Variants in RGS3 observed in about 807,000 individuals in gnomAD.
RGS3 encodes the protein regulator of G protein signaling 3, also known as regulator of G-protein signalling 3.
A neutral mutation model predicts 132.6 loss-of-function variants in RGS3; 80 were observed. That is an observed-to-expected ratio of 0.60 (90% CI 0.50 to 0.73). The LOEUF (loss-of-function observed/expected upper bound fraction) is 0.73. RGS3 is among the 30% of genes least tolerant of loss of function. The probability of loss-of-function intolerance (pLI) is 0.00; values close to 1 mark genes in which losing one functional copy is unlikely to be tolerated. For missense variants in RGS3, 1,382 were observed against 1,530.8 expected, an observed-to-expected ratio of 0.90 and a Z score of 1.62; for synonymous variants, 598 against 620.6, an observed-to-expected ratio of 0.96 and a Z score of 0.54.
chr9:113,578,308 G>T (rs998067239), intron 19 of RGS3, among the ~76,000 whole-genome samples: 8 of 152,216 alleles, frequency 5.3e-5, no homozygotes, highest in Non-Finnish European at 1.2e-4. Flanking sequence ...TCATGGTGCT[G>T]AGCTCTGGAT....
chr9:113,514,362 G>A, intron 14 of RGS3, 96 bp from the exon 13 acceptor site: 2 of 1,114,118 alleles, frequency 1.8e-6, no homozygotes, highest in Non-Finnish European at 2.6e-6. Context: ...GAAAGTGGTT[G>A]TTGACGGAAT....
chr9:113,544,233 C>A (rs1230232007), intron 19 of RGS3, among the ~76,000 whole-genome samples: 1 of 151,850 alleles, frequency 6.6e-6, no homozygotes, highest in African/African-American at 2.4e-5. Flanking sequence ...ACCATCTGTG[C>A]AACTTGAATA....
chr9:113,539,882 G>C (rs991892021), intron 19 of RGS3, among the ~76,000 whole-genome samples: 1 of 152,246 alleles, frequency 6.6e-6, no homozygotes, highest in African/African-American at 2.4e-5. Flanking sequence ...TTAAAGAACA[G>C]TTGGGAGGTC....
At chr9:113,538,845 G>A (rs2118629343) in intron 19 of RGS3, among the ~76,000 whole-genome samples, 1 of 152,298 alleles carries the variant, frequency 6.6e-6, no homozygotes, top group African/African-American at 2.4e-5. Context: ...TTACCTCCCG[G>A]GCCTAAGAAC....
At chr9:113,483,029 A>G (rs1214697178) in intron 4 of RGS3, 30 bp from the exon 3 acceptor site, 2 of 1,613,858 alleles carry the variant, frequency 1.2e-6, no homozygotes, top group South Asian at 1.1e-5. Flanking sequence ...GTTTCCATTC[A>G]TCCACCCCAA....
At position 113,575,330 on chromosome 9, in the gene RGS3, T is replaced by G. The variant is rs7033489; in HGVS notation, c.2038-8120T>G. On this transcript the variant is annotated intron_variant, in intron 19 of 24. Transcript: ENST00000350696. ...CCTGCGCGGGGGTGAGCTAACCTTC[T>G]GTGCCTCAGTATTGCTTTCTGTAGA... 8.9e-3 allele frequency among the ~76,000 whole-genome samples: 1,349 copies of G among 152,308 alleles called. 20 individuals carry two copies. Among genetic ancestry groups the G allele is most frequent in the African/African-American group, 0.031 (1,286 of 41,540 alleles).
chr9:113,594,436 G>C, exon 22 of RGS3: 1 of 1,613,680 alleles, frequency 6.2e-7, no homozygotes, highest in Non-Finnish European at 8.5e-7. Context: ...CCAGAGCCAA[G>C]GACATGAAGA....
intron 18 of RGS3, among the ~76,000 whole-genome samples, chr9:113,535,637 G>A (rs917515717): frequency 4.6e-5 from 7 of 152,310 alleles, no homozygotes; most frequent in Admixed American, 1.3e-4. Context: ...GAGGTTGACA[G>A]CTGGGAAGTG....
intron 17 of RGS3, among the ~76,000 whole-genome samples, chr9:113,524,805 C>T (rs1178084412): frequency 6.6e-6 from 1 of 152,228 alleles, no homozygotes; most frequent in African/African-American, 2.4e-5. Context: ...TGCCTCTACC[C>T]CTCTGGGGGC....
intron 6 of RGS3, among the ~76,000 whole-genome samples, 154 bp downstream of exon 4, chr9:113,484,386 C>CT (rs1034822270): frequency 6.8e-6 from 1 of 147,280 alleles, no homozygotes; most frequent in African/African-American, 2.5e-5. Flanking sequence ...TAAAGGATGT[C>CT]TTTGTTTTCT....
intron 19 of RGS3, among the ~76,000 whole-genome samples, chr9:113,575,956 A>G (rs1469020605): frequency 1.3e-5 from 2 of 152,154 alleles, no homozygotes; most frequent in Non-Finnish European, 2.9e-5. Flanking sequence ...GTGGGTGTGA[A>G]TTGAGGTTTA....
intron 14 of RGS3, among the ~76,000 whole-genome samples, chr9:113,511,042 G>GA (rs1425087027): frequency 6.6e-6 from 1 of 152,208 alleles, no homozygotes; most frequent in Non-Finnish European, 1.5e-5. Context: ...ATCCTGAGTT[G>GA]AATAGGAGGG....
intron 16 of RGS3, among the ~76,000 whole-genome samples, chr9:113,519,239 A>G (rs1034175510): frequency 6.6e-6 from 1 of 152,044 alleles, no homozygotes; most frequent in Admixed American, 6.5e-5. Flanking sequence ...GATGCTTTCC[A>G]TGACCCCACA....
chr9:113,553,472 ATATATATATATATATATATG>A (rs1833440404), intron 19 of RGS3, among the ~76,000 whole-genome samples: 1 of 112,854 alleles, frequency 8.9e-6, no homozygotes, highest in African/African-American at 3.9e-5. Context: ...ATATATATAT[ATATATATATATATATATATG>A]TATATATAAT....
chr9:113,461,795 G>A, exon 2 of RGS3: 1 of 1,614,122 alleles, frequency 6.2e-7, no homozygotes, highest in Non-Finnish European at 8.5e-7. Flanking sequence ...CACAGCCTCT[G>A]GAGCCCAAGA....
intron 3 of RGS3, among the ~76,000 whole-genome samples, chr9:113,471,253 T>G (rs1829820256): frequency 6.6e-6 from 1 of 152,018 alleles, no homozygotes; most frequent in African/African-American, 2.4e-5. Context: ...ACCCTGCTTC[T>G]TGGTGGGCCC....
chr9:113,486,289 T>C (rs1830329696), intron 7 of RGS3, among the ~76,000 whole-genome samples: 1 of 152,124 alleles, frequency 6.6e-6, no homozygotes, highest in South Asian at 2.1e-4. Context: ...ATAAGACAAC[T>C]AAAGAAGAAG....
intron 17 of RGS3, among the ~76,000 whole-genome samples, chr9:113,527,902 T>TG (rs1832287036): frequency 6.6e-6 from 1 of 152,216 alleles, no homozygotes; most frequent in Non-Finnish European, 1.5e-5. Context: ...ACAGAGGAGC[T>TG]GGATAGGGCA....
intron 19 of RGS3, among the ~76,000 whole-genome samples, chr9:113,556,313 T>G (rs1477921041): frequency 6.6e-6 from 1 of 152,186 alleles, no homozygotes; most frequent in Non-Finnish European, 1.5e-5. Flanking sequence ...CAAGTCTTCC[T>G]TTCGTTCAGG....
Sources: allele counts gnomAD v4.1 joint callset (sites outside exome capture counted in the v4.1 genomes callset), GRCh38; gene constraint gnomAD v4.1.1; transcripts MANE v1.5; gene names NCBI Gene and HGNC (gene_info 2026-07-23, HGNC 2026-07-21).